Variants in ARHGEF38 observed in about 807,000 individuals in gnomAD.
ARHGEF38 encodes the protein Rho guanine nucleotide exchange factor (GEF) 38.
ARHGEF38 carries 79 observed loss-of-function variants against 79.9 expected under a neutral mutation model. The ratio of observed to expected loss-of-function variants is 0.99; its 90% confidence interval spans 0.82 to 1.19. The LOEUF is 1.19. Ranked by LOEUF, ARHGEF38 falls within the 50% of genes most tolerant of loss-of-function variation. The pLI is 0.00. For missense variants in ARHGEF38, 962 were observed against 907.2 expected (o/e 1.06, Z -0.78); for synonymous variants, 366 against 328.3 (o/e 1.11, Z -1.24).
rs558919184 is a variant in ARHGEF38 at position 105,671,937 on chromosome 4, T to C, written c.2148+4234T>C. Among the ~76,000 whole-genome samples, 13 of 152,000 alleles carry C rather than the reference T, an allele frequency of 8.6e-5. No individual in the cohort carries two copies. In the South Asian group the frequency reaches 2.7e-3, roughly 32 times the overall value. On this transcript the variant is annotated intron_variant, in intron 13 of 13. Transcript: ENST00000420470. ...ATTGCTATAGCATGTTTCCAAGGGG[T>C]GTTGTAGGATGTAGTCTGGATTTAT...
intron 1 of ARHGEF38, among the ~76,000 whole-genome samples, chr4:105,583,621 T>C (rs1341138139): frequency 2.6e-5 from 4 of 152,230 alleles, no homozygotes; most frequent in Non-Finnish European, 5.9e-5. Flanking sequence ...TTTCTCTATA[T>C]CACTTATCAC....
chr4:105,677,981 G>C lies in ARHGEF38; in HGVS notation c.*44G>C. 1 of 1,442,538 alleles carries C rather than the reference G, an allele frequency of 6.9e-7. No individual in the cohort carries two copies. The highest frequency in any genetic ancestry group is 9.2e-7 in the Non-Finnish European group (1 of 1,090,208). The allele number at this position is 1,442,538 out of a possible 1,614,324, so 89.4% of individuals were successfully genotyped here. A position where few individuals can be genotyped will look rare whatever the true frequency, so the allele number is the denominator to read the frequency against. ...TTTATTTTCCAGCAAGTTGTTGATTGACTACCTCATAAAACTGACATTACA... is the reference window on the plus strand; with the variant it reads ...TTTATTTTCCAGCAAGTTGTTGATTCACTACCTCATAAAACTGACATTACA... On this transcript the variant is annotated 3_prime_UTR_variant, in exon 14 of 14. Coordinates refer to ENST00000420470, the MANE Select transcript of ARHGEF38 (RefSeq NM_001242729.2).
At chr4:105,659,436 A>T in intron 10 of ARHGEF38, 71 bp downstream of exon 10, 1 of 1,421,076 alleles carries the variant, frequency 7.0e-7, no homozygotes, top group South Asian at 1.4e-5. Context: ...ACCCATACGA[A>T]AGCCCTGTTC....
chr4:105,572,170 A>G (rs1472250468), intron 1 of ARHGEF38, among the ~76,000 whole-genome samples: 2 of 77,780 alleles, frequency 2.6e-5, no homozygotes, highest in Non-Finnish European at 5.1e-5. Flanking sequence ...GTTTTGTTTA[A>G]ATTGCCTTGC....
chr4:105,602,739 C>T (rs965950734), intron 2 of ARHGEF38, among the ~76,000 whole-genome samples: 24 of 152,096 alleles, frequency 1.6e-4, no homozygotes, highest in Admixed American at 1.4e-3. Flanking sequence ...AATCCAAACT[C>T]GGCTGAGTTT....
chr4:105,603,690 C>T (rs564116098), intron 2 of ARHGEF38, among the ~76,000 whole-genome samples: 11 of 152,268 alleles, frequency 7.2e-5, no homozygotes, highest in Admixed American at 7.2e-4. Flanking sequence ...TTTATACTAG[C>T]TTCCACACCT....
At chr4:105,635,433 A>G (rs1729358840) in intron 4 of ARHGEF38, among the ~76,000 whole-genome samples, 1 of 152,108 alleles carries the variant, frequency 6.6e-6, no homozygotes, top group African/African-American at 2.4e-5. Flanking sequence ...TACTTGGCTA[A>G]AATAAATGAA....
At chr4:105,604,650 T>C (rs1727963849) in intron 2 of ARHGEF38, among the ~76,000 whole-genome samples, 1 of 152,166 alleles carries the variant, frequency 6.6e-6, no homozygotes. Flanking sequence ...CTTTCAGATA[T>C]TGGGCCTAAA....
intron 5 of ARHGEF38, among the ~76,000 whole-genome samples, chr4:105,640,340 C>G (rs1454850958): frequency 6.6e-6 from 1 of 152,092 alleles, no homozygotes; most frequent in Non-Finnish European, 1.5e-5. Flanking sequence ...GTGCCCTCCT[C>G]CTCCACTTCA....
chr4:105,667,338 C>T lies in ARHGEF38; in HGVS notation c.1888+11C>T. On this transcript the variant is annotated intron_variant, in intron 12 of 13. Transcript: ENST00000420470. ...TTGTGGACACAGGAAGTAAGTTTTT[C>T]CCCAGAACTACCACTCTTCTTTAAA... 1 of 1,535,330 alleles carries T rather than the reference C, an allele frequency of 6.5e-7. No homozygotes were observed. The highest frequency in any genetic ancestry group is 8.7e-7 in the Non-Finnish European group (1 of 1,146,400).
At chr4:105,552,989 G>T in intron 1 of ARHGEF38, 28 bp downstream of exon 1, 1 of 1,553,652 alleles carries the variant, frequency 6.4e-7, no homozygotes, top group Non-Finnish European at 8.8e-7. Context: ...AATTGTCCCA[G>T]TTACTGCACT....
chr4:105,631,658 G>C, intron 4 of ARHGEF38: 2 of 983,800 alleles, frequency 2.0e-6, no homozygotes, highest in Non-Finnish European at 2.4e-6. Flanking sequence ...GTATGTGTAA[G>C]ATAAAAACCC....
chr4:105,582,343 C>G (rs1726837975), intron 1 of ARHGEF38, among the ~76,000 whole-genome samples: 1 of 147,978 alleles, frequency 6.8e-6, no homozygotes, highest in Non-Finnish European at 1.5e-5. Context: ...AAATCATTTT[C>G]ACTCTTGCTT....
chr4:105,682,398 A>G (rs1440235597), downstream of ARHGEF38: 1 of 196,104 alleles, frequency 5.1e-6, no homozygotes, highest in East Asian at 1.2e-4. Flanking sequence ...CACCTCATTC[A>G]TCAGGATCAA....
chr4:105,572,677 G>A (rs1560693267), intron 1 of ARHGEF38, among the ~76,000 whole-genome samples: 1 of 152,090 alleles, frequency 6.6e-6, no homozygotes, highest in Admixed American at 6.6e-5. Flanking sequence ...TTGCCATAAT[G>A]TCCTCAAGGT....
rs982325868 is a variant in ARHGEF38 at position 105,619,365 on chromosome 4, C to T, written c.508+5858C>T. Among the ~76,000 whole-genome samples, 5 of 151,828 alleles carry T rather than the reference C, an allele frequency of 3.3e-5. No individual in the cohort carries two copies. The East Asian group carries it at 9.7e-4, about 30-fold the overall frequency. On this transcript the variant is annotated intron_variant, in intron 3 of 13. Coordinates refer to ENST00000420470, the MANE Select transcript of ARHGEF38 (RefSeq NM_001242729.2). The stretch of plus-strand genomic sequence containing the variant: ...GTCCTTGTCAGCTGGCCAGCTGGCC[C>T]CCAGCCAGTCCACCAACTGACGGGA...
intron 1 of ARHGEF38, among the ~76,000 whole-genome samples, chr4:105,563,748 A>T (rs1725751933): frequency 2.0e-5 from 3 of 152,234 alleles, no homozygotes; most frequent in Admixed American, 2.0e-4. Flanking sequence ...CAATACTCAC[A>T]AGCATCAAGA....
chr4:105,603,364 G>A (rs1727905304), intron 2 of ARHGEF38, among the ~76,000 whole-genome samples: 1 of 152,132 alleles, frequency 6.6e-6, no homozygotes, highest in South Asian at 2.1e-4. Flanking sequence ...TCACCAGCCA[G>A]CTCCTGACCC....
chr4:105,667,413 T>G (rs1422950255), intron 12 of ARHGEF38, 31 bp from the exon 13 acceptor site: 1 of 1,534,570 alleles, frequency 6.5e-7, no homozygotes, highest in Non-Finnish European at 8.7e-7. Flanking sequence ...CCCATGAACT[T>G]GGTTCTTCTT....
Sources: allele counts gnomAD v4.1 joint callset (sites outside exome capture counted in the v4.1 genomes callset), GRCh38; gene constraint gnomAD v4.1.1; transcripts MANE v1.5; gene names NCBI Gene and HGNC (gene_info 2026-07-23, HGNC 2026-07-21).